The following NT5DC3 variants were observed in gnomAD, a reference collection of about 807,000 sequenced individuals.
NT5DC3 encodes the protein 5'-nucleotidase domain-containing protein 3.
In NT5DC3, 42 loss-of-function variants were observed where a neutral mutation model predicts 67.8. The observed-to-expected ratio is 0.62, with a 90% CI of 0.48 to 0.80. The LOEUF is 0.80. NT5DC3 is among the 30% of genes least tolerant of loss of function. NT5DC3 has a pLI of 0.00. For synonymous variants in NT5DC3, 237 were observed against 255.6 expected (o/e 0.93, Z 0.69); for missense variants, 570 against 696.4 (o/e 0.82, Z 2.04).
intron 1 of NT5DC3, among the ~76,000 whole-genome samples, chr12:103,832,816 A>G (rs1887989125): frequency 2.6e-5 from 4 of 152,194 alleles, no homozygotes; most frequent in Admixed American, 2.6e-4. Context: ...AGCGTAACAG[A>G]AGCACTAAAT....
chr12:103,793,577 C>T, intron 7 of NT5DC3, 65 bp from the exon 8 acceptor site: 1 of 1,190,252 alleles, frequency 8.4e-7, no homozygotes, highest in Non-Finnish European at 1.2e-6. Flanking sequence ...CAAGTACTTT[C>T]TAAATGGGGG....
chr12:103,794,544 G>A (rs573065294), intron 6 of NT5DC3, among the ~76,000 whole-genome samples: 1 of 152,204 alleles, frequency 6.6e-6, no homozygotes, highest in Non-Finnish European at 1.5e-5. Flanking sequence ...AAGAGTGCTT[G>A]GAAGAGGTAA....
intron 1 of NT5DC3, among the ~76,000 whole-genome samples, chr12:103,827,572 T>C (rs890597299): frequency 6.6e-6 from 1 of 152,198 alleles, no homozygotes; most frequent in Admixed American, 6.5e-5. Context: ...GAGAGTTGCA[T>C]CTCTACATAC....
the NT5DC3 span, chr12:103,746,731 A>G: frequency 6.2e-7 from 1 of 1,608,916 alleles, no homozygotes; most frequent in Non-Finnish European, 8.5e-7. Flanking sequence ...CACAGGTGAA[A>G]TAGCAGCATG....
At position 103,784,871 on chromosome 12, in the gene NT5DC3, G is replaced by T. The variant is rs149224179; in HGVS notation, c.1329+464C>A. ...GCAGGTATTATCCTCAGAATCAACT[G>T]AGGCTGGACCCAGGGATCTTGACTC... On this transcript the variant is annotated intron_variant, in intron 12 of 13. Transcript: ENST00000392876. Among the ~76,000 whole-genome samples the T allele has an allele frequency of 2.5e-4, 38 of 152,294 alleles. No individual in the cohort carries two copies. The East Asian group carries it at 7.3e-3, about 29-fold the overall frequency.
chr12:103,778,969 G>C (rs995341725), intron 13 of NT5DC3, among the ~76,000 whole-genome samples: 1 of 152,096 alleles, frequency 6.6e-6, no homozygotes. Context: ...TGCAACAGCT[G>C]CTCCCGATGG....
chr12:103,761,560 A>G, the NT5DC3 span: 1 of 618,916 alleles, frequency 1.6e-6, no homozygotes, highest in African/African-American at 1.9e-5. Context: ...GTAGCTGGCC[A>G]GGACCGCCCA....
chr12:103,835,834 G>A (rs907305018), intron 1 of NT5DC3, among the ~76,000 whole-genome samples: 4 of 152,100 alleles, frequency 2.6e-5, no homozygotes, highest in East Asian at 1.9e-4. Context: ...CCATTTTCAC[G>A]CTGCTGATAA....
At chr12:103,801,372 C>CCTTTTTTTTTTTTTTT (rs1886567309) in intron 4 of NT5DC3, among the ~76,000 whole-genome samples, 4 of 78,946 alleles carry the variant, frequency 5.1e-5, no homozygotes, top group African/African-American at 2.2e-4. Flanking sequence ...TTGGGGTGGG[C>CCTTTTTTTTTTTTTTT]TTTTTTTTTT....
rs1033206304 is a variant in NT5DC3, at chr12:103,775,901, A to G, written c.*1928T>C. On this transcript the variant is annotated 3_prime_UTR_variant, in exon 14 of 14. Coordinates refer to ENST00000392876, the MANE Select transcript of NT5DC3 (RefSeq NM_001031701.3). Reference sequence around the variant, plus strand: ...TGGAATGCCAGACTTGGATTTCATCAATAGATGGTTACATACATTTATCAC... The same window carrying G: ...TGGAATGCCAGACTTGGATTTCATCGATAGATGGTTACATACATTTATCAC... The G allele has an allele frequency of 1.3e-5, 2 of 152,230 alleles. No individual in the cohort carries two copies. Among genetic ancestry groups the G allele is most frequent in the African/African-American group, 4.8e-5 (2 of 41,464 alleles). 9.4% of individuals were successfully genotyped at this position (152,230 alleles called of 1,614,324 possible). A position where few individuals can be genotyped will look rare whatever the true frequency, so the allele number is the denominator to read the frequency against.
At chr12:103,835,005 C>T (rs1346438749) in intron 1 of NT5DC3, among the ~76,000 whole-genome samples, 2 of 152,218 alleles carry the variant, frequency 1.3e-5, no homozygotes, top group Non-Finnish European at 2.9e-5. Context: ...AGACACATTT[C>T]CCGCATCCCT....
downstream of NT5DC3, among the ~76,000 whole-genome samples, chr12:103,770,102 T>C (rs767545114): frequency 1.3e-5 from 2 of 152,224 alleles, no homozygotes; most frequent in Non-Finnish European, 2.9e-5. Flanking sequence ...ATAGAAAACA[T>C]GGCCTATCCT....
chr12:103,759,271 CCGGTA>C, the NT5DC3 span: 3 of 1,614,012 alleles, frequency 1.9e-6, 1 homozygote, highest in South Asian at 3.3e-5. Flanking sequence ...CCCACTCCAA[CCGGTA>C]CAAAGTCTTC....
rs1393641080 is a variant in NT5DC3 at position 103,840,385 on chromosome 12, CAT to C, written c.208+562_208+563del. Among the ~76,000 whole-genome samples the C allele has an allele frequency of 5.4e-5, 7 of 128,892 alleles. No individual in the cohort carries two copies. The East Asian group carries it at 6.7e-4, about 12-fold the overall frequency. 84.6% of individuals were successfully genotyped at this position (128,892 alleles called of 152,430 possible). A position where few individuals can be genotyped will look rare whatever the true frequency, so the allele number is the denominator to read the frequency against. On this transcript the variant is annotated intron_variant, in intron 1 of 13. Coordinates refer to ENST00000392876, the MANE Select transcript of NT5DC3 (RefSeq NM_001031701.3). Reference sequence around the variant, plus strand: ...CTTTCAAACACCGCACAGCTCATCTCATCTCATCTCATCTCATCTCATCTCAT... The same window carrying C: ...CTTTCAAACACCGCACAGCTCATCTCCTCATCTCATCTCATCTCATCTCAT...
intron 9 of NT5DC3, among the ~76,000 whole-genome samples, chr12:103,792,116 C>A (rs1886093956): frequency 6.6e-6 from 1 of 152,194 alleles, no homozygotes. Context: ...GCGGCTCTCC[C>A]ATGTAGGAAC....
chr12:103,768,600 AAAGGGG>A (rs1426068436), downstream of NT5DC3, among the ~76,000 whole-genome samples: 34 of 4,046 alleles, frequency 8.4e-3, 4 homozygotes, highest in South Asian at 0.025. Flanking sequence ...AGGGAGAGGG[AAAGGGG>A]GAGAGAGGGA....
the NT5DC3 span, among the ~76,000 whole-genome samples, chr12:103,748,400 A>C: frequency 2.0e-5 from 3 of 152,204 alleles, no homozygotes; most frequent in Admixed American, 2.0e-4. Context: ...TCTAAGAGGC[A>C]GCACAGTGAG....
At chr12:103,783,890 T>C (rs7296900) in intron 12 of NT5DC3, among the ~76,000 whole-genome samples, 74,117 of 151,858 alleles carry the variant, frequency 0.49, 19,097 homozygotes, top group East Asian at 0.88. Flanking sequence ...GTCACAGAGA[T>C]TTCACTGAGG....
chr12:103,831,173 G>A (rs1887909354), intron 1 of NT5DC3, among the ~76,000 whole-genome samples: 1 of 152,076 alleles, frequency 6.6e-6, no homozygotes, highest in South Asian at 2.1e-4. Context: ...TGAATCATGG[G>A]GGCAGCTTCC....
Sources: allele counts gnomAD v4.1 joint callset (sites outside exome capture counted in the v4.1 genomes callset), GRCh38; gene constraint gnomAD v4.1.1; transcripts MANE v1.5; gene names NCBI Gene and HGNC (gene_info 2026-07-23, HGNC 2026-07-21).